The following CNTLN variants were observed in gnomAD, a reference collection of about 807,000 sequenced individuals.
CNTLN encodes centlein.
CNTLN carries 212 observed loss-of-function variants against 180.0 expected under a neutral mutation model. The observed-to-expected ratio is 1.18, with a 90% CI of 1.05 to 1.32. The LOEUF (loss-of-function observed/expected upper bound fraction) is 1.32. Ranked by LOEUF, CNTLN falls within the 40% of genes most tolerant of loss-of-function variation. The pLI, the probability that CNTLN is intolerant of heterozygous loss-of-function variation, is 0.00. For synonymous variants in CNTLN, 722 were observed against 563.1 expected (o/e 1.28, Z -3.99); for missense variants, 2,095 against 1,610.9 (o/e 1.30, Z -5.14).
At chr9:17,452,044 G>A (rs905343493) in intron 18 of CNTLN, among the ~76,000 whole-genome samples, 10 of 152,098 alleles carry the variant, frequency 6.6e-5, no homozygotes, top group African/African-American at 2.4e-4. Context: ...CTTTACATGT[G>A]CTACAACTAG....
At chr9:17,457,416 T>C in intron 18 of CNTLN, 108 bp from the exon 19 acceptor site, 1 of 600,212 alleles carries the variant, frequency 1.7e-6, no homozygotes, top group Non-Finnish European at 2.4e-6. Context: ...TTAATTTCAG[T>C]TCTCTTTAAT....
At chr9:17,403,901 A>G (rs1827179142) in intron 15 of CNTLN, among the ~76,000 whole-genome samples, 1 of 151,650 alleles carries the variant, frequency 6.6e-6, no homozygotes, top group Non-Finnish European at 1.5e-5. Context: ...TCAGCCTCCC[A>G]AGTAGCTGGG....
intron 25 of CNTLN, among the ~76,000 whole-genome samples, chr9:17,488,196 TTGATA>T (rs1832984139): frequency 6.6e-6 from 1 of 152,168 alleles, no homozygotes; most frequent in African/African-American, 2.4e-5. Flanking sequence ...TAGTATCAGT[TTGATA>T]TATTTTTGAA....
chr9:17,165,074 G>A (rs1217424604), intron 2 of CNTLN, among the ~76,000 whole-genome samples: 3 of 151,504 alleles, frequency 2.0e-5, no homozygotes, highest in Non-Finnish European at 2.9e-5. Context: ...TCCTGACCTC[G>A]TGATCCATCC....
chr9:17,477,920 A>T (rs1474982552), intron 23 of CNTLN, among the ~76,000 whole-genome samples: 1 of 152,216 alleles, frequency 6.6e-6, no homozygotes, highest in Non-Finnish European at 1.5e-5. Flanking sequence ...ATCACATGCT[A>T]TAGAGAAATC....
chr9:17,250,781 G>A (rs1335403614), intron 5 of CNTLN, among the ~76,000 whole-genome samples: 1 of 151,990 alleles, frequency 6.6e-6, no homozygotes, highest in Non-Finnish European at 1.5e-5. Flanking sequence ...AAATAATAAG[G>A]ATAATTAGAA....
intron 7 of CNTLN, chr9:17,298,866 T>C: frequency 1.0e-6 from 1 of 985,490 alleles, no homozygotes. Flanking sequence ...ACAGTTGTTT[T>C]AGGAGCCTTT....
At chr9:17,252,438 C>T (rs748516538) in intron 5 of CNTLN, among the ~76,000 whole-genome samples, 5 of 149,284 alleles carry the variant, frequency 3.3e-5, no homozygotes, top group East Asian at 3.9e-4. Flanking sequence ...AATAGTCATT[C>T]GAACTAGGAT....
chr9:17,494,866 C>G (rs556058473), intron 25 of CNTLN: 5 of 404,446 alleles, frequency 1.2e-5, no homozygotes, highest in African/African-American at 4.4e-5. Flanking sequence ...TATGTATTTA[C>G]TATACCATAC....
At position 17,318,497 on chromosome 9, in the gene CNTLN, A is replaced by G. The variant is rs574404296; in HGVS notation, c.1341+9245A>G. Among the ~76,000 whole-genome samples the G allele has an allele frequency of 1.6e-4, 25 of 152,350 alleles. 1 individual carries two copies. The South Asian group carries it at 5.2e-3, about 32-fold the overall frequency. On this transcript the variant is annotated intron_variant, in intron 8 of 25. Transcript: ENST00000380647. ...AAAAAGGAGTTAGAGCCTGTAAATA[A>G]TTCAAAGTTAGAATGCATAAACTTT...
chr9:17,450,417 A>T (rs1348462623), intron 18 of CNTLN, among the ~76,000 whole-genome samples: 3 of 152,222 alleles, frequency 2.0e-5, no homozygotes, highest in Non-Finnish European at 4.4e-5. Context: ...TGACTTAAAA[A>T]AGAAAGTTCC....
intron 13 of CNTLN, among the ~76,000 whole-genome samples, chr9:17,382,816 A>C (rs1825365811): frequency 6.6e-6 from 1 of 152,160 alleles, no homozygotes; most frequent in Non-Finnish European, 1.5e-5. Flanking sequence ...CTAATAGCAA[A>C]ATAAAGCCCA....
At chr9:17,311,919 A>G (rs540267581) in intron 8 of CNTLN, among the ~76,000 whole-genome samples, 14 of 152,318 alleles carry the variant, frequency 9.2e-5, no homozygotes, top group East Asian at 3.9e-4. Context: ...TGGAGGACTT[A>G]CACTCCCTGA....
chr9:17,272,197 C>T (rs1286105096), intron 5 of CNTLN, among the ~76,000 whole-genome samples: 1 of 151,158 alleles, frequency 6.6e-6, no homozygotes, highest in East Asian at 2.0e-4. Flanking sequence ...TTGCCTCAGC[C>T]TCCTGAATAG....
chr9:17,526,908 C>T, the CNTLN span, among the ~76,000 whole-genome samples: 2 of 151,766 alleles, frequency 1.3e-5, no homozygotes, highest in African/African-American at 4.8e-5. Context: ...GAGGCGGAGT[C>T]TCGCTGTCGC....
At chr9:17,400,708 C>A (rs545738658) in intron 15 of CNTLN, among the ~76,000 whole-genome samples, 55 of 152,204 alleles carry the variant, frequency 3.6e-4, no homozygotes, top group African/African-American at 1.3e-3. Context: ...TAAAAGGAAT[C>A]ATTTTTTTTG....
chr9:17,408,597 C>T lies in CNTLN; in HGVS notation c.2616-696C>T, dbSNP rs536071547. ...CGGGCAGATCACGAGGTCAGGAGAT[C>T]GAGACCATCCTGGCTAACACAGTGA... is the stretch of plus-strand genomic sequence containing the variant. On this transcript the variant is annotated intron_variant, in intron 15 of 25. Transcript: ENST00000380647. 7.9e-5 allele frequency among the ~76,000 whole-genome samples: 12 copies of T among 151,936 alleles called. No individual in the cohort carries two copies. In the East Asian group the frequency reaches 2.0e-3, roughly 25 times the overall value.
intron 15 of CNTLN, among the ~76,000 whole-genome samples, chr9:17,409,020 G>C (rs565645601): frequency 2.0e-5 from 3 of 152,252 alleles, no homozygotes; most frequent in African/African-American, 7.2e-5. Flanking sequence ...TACAACAATT[G>C]CTTCCTGAGT....
At chr9:17,325,652 A>G (rs1037189929) in intron 8 of CNTLN, among the ~76,000 whole-genome samples, 1 of 151,814 alleles carries the variant, frequency 6.6e-6, no homozygotes, top group Non-Finnish European at 1.5e-5. Context: ...TTGCTGAGGT[A>G]TCATGTGCTT....
Sources: allele counts gnomAD v4.1 joint callset (sites outside exome capture counted in the v4.1 genomes callset), GRCh38; gene constraint gnomAD v4.1.1; transcripts MANE v1.5; gene names NCBI Gene and HGNC (gene_info 2026-07-23, HGNC 2026-07-21).